COL19A1: variants seen among roughly 807,000 people sequenced by gnomAD.
COL19A1 encodes collagen alpha-1(XIX) chain.
COL19A1 carries 159 observed loss-of-function variants against 190.2 expected under a neutral mutation model. That is an observed-to-expected ratio of 0.84 (90% CI 0.73 to 0.95). COL19A1 has a LOEUF of 0.95. Among genes scored for constraint, COL19A1 ranks in the 40% least tolerant of loss-of-function variants. The pLI, the probability that COL19A1 is intolerant of heterozygous loss-of-function variation, is 0.00. For missense variants in COL19A1, 1,418 were observed against 1,431.9 expected (o/e 0.99, Z 0.16); for synonymous variants, 509 against 458.9 (o/e 1.11, Z -1.39).
chr6:69,879,565 A>G lies in COL19A1; in HGVS notation c.-3A>G, dbSNP rs942777057. On this transcript the variant is annotated 5_prime_UTR_variant, in exon 2 of 51. Coordinates refer to ENST00000620364, the MANE Select transcript of COL19A1 (RefSeq NM_001858.6). ...GTGGCCGTTCACATGGTTTCAAGGCACAATGAGACTCACTGGCCCTTGGAA... is the reference window on the plus strand; with the variant it reads ...GTGGCCGTTCACATGGTTTCAAGGCGCAATGAGACTCACTGGCCCTTGGAA... 5.0e-6 allele frequency: 8 copies of G among 1,613,756 alleles called. No homozygotes were observed. The highest frequency in any genetic ancestry group is 5.9e-6 in the Non-Finnish European group (7 of 1,179,812).
chr6:70,163,500 T>A, intron 36 of COL19A1, 104 bp downstream of exon 36: 2 of 1,045,532 alleles, frequency 1.9e-6, no homozygotes, highest in Non-Finnish European at 2.8e-6. Flanking sequence ...AGCCTAAAAG[T>A]AGAAATGATG....
intron 48 of COL19A1, among the ~76,000 whole-genome samples, chr6:70,196,861 C>G (rs2150303866): frequency 6.6e-6 from 1 of 152,210 alleles, no homozygotes; most frequent in Non-Finnish European, 1.5e-5. Context: ...TCTGGATGCT[C>G]TGAAACATAT....
chr6:70,133,541 G>A (rs1785650533), intron 18 of COL19A1, among the ~76,000 whole-genome samples: 1 of 152,192 alleles, frequency 6.6e-6, no homozygotes, highest in African/African-American at 2.4e-5. Context: ...AGTTACTTGA[G>A]GAGAACTGCT....
intron 14 of COL19A1, among the ~76,000 whole-genome samples, chr6:70,051,804 C>A (rs1035402033): frequency 1.3e-5 from 2 of 152,086 alleles, no homozygotes; most frequent in African/African-American, 4.8e-5. Flanking sequence ...ACTCCATTAA[C>A]AGCTCTGATT....
At chr6:70,028,553 A>G (rs1778851994) in intron 12 of COL19A1, among the ~76,000 whole-genome samples, 1 of 152,128 alleles carries the variant, frequency 6.6e-6, no homozygotes, top group South Asian at 2.1e-4. Context: ...GTTTTAAGAC[A>G]ATTGCTTTTT....
chr6:69,986,688 C>G (rs1381022779), intron 11 of COL19A1, among the ~76,000 whole-genome samples: 1 of 152,114 alleles, frequency 6.6e-6, no homozygotes, highest in Admixed American at 6.5e-5. Context: ...TACTACAATT[C>G]CTTAAACTTT....
chr6:69,879,514 A>AT, intron 1 of COL19A1, 22 bp from the exon 2 acceptor site: 3 of 1,473,318 alleles, frequency 2.0e-6, no homozygotes, highest in Non-Finnish European at 1.9e-6. Context: ...ACTTTATTCA[A>AT]ATTTTTTTTT....
chr6:70,056,855 T>C (rs571256284), intron 14 of COL19A1, among the ~76,000 whole-genome samples: 1 of 152,074 alleles, frequency 6.6e-6, no homozygotes, highest in African/African-American at 2.4e-5. Flanking sequence ...CAATTGCAAA[T>C]TGAGTGATAT....
intron 40 of COL19A1, among the ~76,000 whole-genome samples, chr6:70,171,090 G>A (rs1279271861): frequency 6.6e-6 from 1 of 152,150 alleles, no homozygotes; most frequent in East Asian, 1.9e-4. Context: ...ATGCAGCTCA[G>A]GAAAGCTTTG....
intron 14 of COL19A1, among the ~76,000 whole-genome samples, chr6:70,066,179 G>A (rs1012094926): frequency 1.3e-5 from 2 of 152,166 alleles, no homozygotes; most frequent in African/African-American, 2.4e-5. Context: ...GCTCACAATA[G>A]CAAAGACTTG....
At chr6:70,082,143 T>G (rs549438491) in intron 15 of COL19A1, among the ~76,000 whole-genome samples, 47 of 152,346 alleles carry the variant, frequency 3.1e-4, no homozygotes, top group African/African-American at 1.1e-3. Flanking sequence ...AATTCTAGAA[T>G]GTTGAATTTA....
At chr6:69,996,487 C>T (rs1776912120) in intron 11 of COL19A1, among the ~76,000 whole-genome samples, 1 of 152,032 alleles carries the variant, frequency 6.6e-6, no homozygotes, top group Admixed American at 6.6e-5. Flanking sequence ...TGGTAAGCTA[C>T]AGGTATATTT....
chr6:70,021,943 T>A (rs1261958577), intron 11 of COL19A1, among the ~76,000 whole-genome samples: 1 of 152,214 alleles, frequency 6.6e-6, no homozygotes, highest in African/African-American at 2.4e-5. Flanking sequence ...ACTGGTTGTG[T>A]TTGTATGCAG....
chr6:69,921,397 TATATCATATATATC>T (rs1417733982), intron 4 of COL19A1, among the ~76,000 whole-genome samples: 1,753 of 112,360 alleles, frequency 0.016, 201 homozygotes, highest in African/African-American at 0.069. Flanking sequence ...ATATATATCA[TATATCATATATATC>T]ATATATCATA....
chr6:70,157,158 T>A (rs1787491501), intron 34 of COL19A1, among the ~76,000 whole-genome samples: 1 of 152,098 alleles, frequency 6.6e-6, no homozygotes, highest in African/African-American at 2.4e-5. Flanking sequence ...TAAACTCTGA[T>A]TAAACTTCAG....
chr6:70,044,799 A>G (rs567512657), intron 14 of COL19A1, among the ~76,000 whole-genome samples: 5 of 152,230 alleles, frequency 3.3e-5, no homozygotes, highest in East Asian at 1.9e-4. Flanking sequence ...TTGGGAATGG[A>G]TCATTTCCAA....
chr6:70,159,765 T>C (rs1288398157), intron 34 of COL19A1, among the ~76,000 whole-genome samples: 2 of 152,062 alleles, frequency 1.3e-5, no homozygotes, highest in South Asian at 4.1e-4. Flanking sequence ...ATTTATAAAG[T>C]ATATGAAAAT....
intron 48 of COL19A1, 55 bp downstream of exon 48, chr6:70,190,436 T>G: frequency 8.7e-7 from 1 of 1,150,536 alleles, no homozygotes; most frequent in Non-Finnish European, 1.3e-6. Flanking sequence ...ACCTCCCACC[T>G]ACTATGGGGA....
At chr6:70,143,422 C>G (rs778118107) in intron 23 of COL19A1, among the ~76,000 whole-genome samples, 1 of 152,086 alleles carries the variant, frequency 6.6e-6, no homozygotes, top group East Asian at 1.9e-4. Flanking sequence ...TTGGGAGCTG[C>G]GAGCTCTCCA....
Sources: allele counts gnomAD v4.1 joint callset (sites outside exome capture counted in the v4.1 genomes callset), GRCh38; gene constraint gnomAD v4.1.1; transcripts MANE v1.5; gene names NCBI Gene and HGNC (gene_info 2026-07-23, HGNC 2026-07-21).